MTMR2: variants seen among roughly 807,000 people sequenced by gnomAD.
MTMR2 encodes myotubularin related protein 2, also known as phosphatidylinositol-3,5-bisphosphate 3-phosphatase MTMR2.
MTMR2 carries 55 observed loss-of-function variants against 86.9 expected under a neutral mutation model. That is an observed-to-expected ratio of 0.63 (90% CI 0.51 to 0.79). MTMR2 has a LOEUF of 0.79. Ranked by LOEUF, MTMR2 falls within the 30% of genes least tolerant of loss-of-function variation. The pLI is 0.00. For missense variants in MTMR2, 659 were observed against 772.3 expected, an observed-to-expected ratio of 0.85 and a Z score of 1.74; for synonymous variants, 241 against 266.8, an observed-to-expected ratio of 0.90 and a Z score of 0.94.
At chr11:95,871,860 G>A (rs1274573625) in intron 2 of MTMR2, among the ~76,000 whole-genome samples, 1 of 152,110 alleles carries the variant, frequency 6.6e-6, no homozygotes, top group Non-Finnish European at 1.5e-5. Flanking sequence ...GGGTTTTTAT[G>A]GTTTTAGGCC....
Position 95,850,609 on chromosome 11 carries a change from G to A in MTMR2, c.795C>T (p.Gly265=). The change falls in exon 8 of 15, where the codon GGC becomes GGT. Residue 265 remains glycine (G), a synonymous_variant. Transcript: ENST00000346299. ...LKRVASFRSR[G]RIPVLSWIHP... ...CAAACTTCCTACTTACTGGGATACG[G>A]CCTCTTGATCTGAAGGATGCCACTC... The A allele has an allele frequency of 6.2e-7, 1 of 1,613,964 alleles. No homozygotes were observed. Among genetic ancestry groups the A allele is most frequent in the Non-Finnish European group, 8.5e-7 (1 of 1,179,970 alleles).
intron 1 of MTMR2, among the ~76,000 whole-genome samples, chr11:95,905,926 T>A (rs895018106): frequency 6.6e-6 from 1 of 152,102 alleles, no homozygotes; most frequent in Admixed American, 6.6e-5. Context: ...CTATCCTAAT[T>A]TCAGATGAAA....
chr11:95,852,168 C>A (rs570658252), intron 7 of MTMR2, among the ~76,000 whole-genome samples: 1 of 152,194 alleles, frequency 6.6e-6, no homozygotes, highest in African/African-American at 2.4e-5. Context: ...CCTCTTTACA[C>A]CCAAACACAC....
intron 9 of MTMR2, among the ~76,000 whole-genome samples, chr11:95,848,468 T>C (rs1863886969): frequency 6.6e-6 from 1 of 152,202 alleles, no homozygotes. Flanking sequence ...TCATCATCAA[T>C]GTTCTCAAAG....
Position 95,834,199 on chromosome 11 carries a change from G to C in MTMR2, c.*1091C>G, listed in dbSNP as rs1863151032. On this transcript the variant is annotated 3_prime_UTR_variant, in exon 15 of 15. Coordinates refer to ENST00000346299, the MANE Select transcript of MTMR2 (RefSeq NM_016156.6). ...CTTATGTAGAATAAAATAGACATCA[G>C]AGTCAAATGTTTCTACCAGCACCAA... 1 of 152,536 alleles carries C rather than the reference G, an allele frequency of 6.6e-6. No homozygotes were observed. The highest frequency in any genetic ancestry group is 2.4e-5 in the African/African-American group (1 of 41,450). The allele number at this position is 152,536 out of a possible 1,614,324, so 9.4% of individuals were successfully genotyped here. A position where few individuals can be genotyped will look rare whatever the true frequency, so the allele number is the denominator to read the frequency against.
At chr11:95,855,652 G>C (rs1037878205) in intron 7 of MTMR2, among the ~76,000 whole-genome samples, 1 of 152,022 alleles carries the variant, frequency 6.6e-6, no homozygotes, top group Admixed American at 6.5e-5. Context: ...GGCAGCACAT[G>C]ATAAAGCCAG....
At chr11:95,874,455 TCCTC>T (rs1865020785) in intron 2 of MTMR2, among the ~76,000 whole-genome samples, 3 of 152,132 alleles carry the variant, frequency 2.0e-5, no homozygotes, top group Non-Finnish European at 2.9e-5. Context: ...TGGTAGATCT[TCCTC>T]CATCCCTTTA....
intron 11 of MTMR2, among the ~76,000 whole-genome samples, chr11:95,843,051 T>G (rs1863618732): frequency 6.6e-6 from 1 of 152,154 alleles, no homozygotes; most frequent in Non-Finnish European, 1.5e-5. Flanking sequence ...AAAATTAATG[T>G]ATGCATTGTG....
chr11:95,838,253 G>A (rs1175121688), intron 12 of MTMR2, 46 bp from the exon 13 acceptor site: 1 of 1,034,010 alleles, frequency 9.7e-7, no homozygotes, highest in Non-Finnish European at 1.5e-6. Context: ...CATTCTTCAA[G>A]CATATTCATC....
At chr11:95,858,715 A>G in intron 5 of MTMR2, 83 bp from the exon 6 acceptor site, 1 of 935,006 alleles carries the variant, frequency 1.1e-6, no homozygotes, top group South Asian at 1.3e-5. Flanking sequence ...ACTATCTTGT[A>G]AAATGTTAAG....
At chr11:95,841,541 T>A in intron 12 of MTMR2, 76 bp downstream of exon 12, 1 of 1,027,230 alleles carries the variant, frequency 9.7e-7, no homozygotes, top group Non-Finnish European at 1.5e-6. Flanking sequence ...TATAGGCTAA[T>A]CAGTGACCAA....
intron 2 of MTMR2, among the ~76,000 whole-genome samples, chr11:95,878,149 G>A (rs1224230627): frequency 6.7e-6 from 1 of 148,996 alleles, no homozygotes; most frequent in East Asian, 2.0e-4. Context: ...AAAGACTTGA[G>A]GAATCTTAAA....
intron 1 of MTMR2, among the ~76,000 whole-genome samples, chr11:95,892,732 C>CA (rs769986388): frequency 6.6e-6 from 1 of 152,120 alleles, no homozygotes; most frequent in Non-Finnish European, 1.5e-5. Flanking sequence ...TTCCTACACC[C>CA]ACTTTTCTCT....
chr11:95,882,524 A>G (rs902052557), intron 2 of MTMR2: 5 of 151,858 alleles, frequency 3.3e-5, no homozygotes, highest in Non-Finnish European at 7.4e-5. Context: ...AAAATAAAAT[A>G]AAATAAAATA....
intron 1 of MTMR2, among the ~76,000 whole-genome samples, chr11:95,911,111 C>T (rs1342671980): frequency 6.6e-6 from 1 of 152,074 alleles, no homozygotes; most frequent in Non-Finnish European, 1.5e-5. Flanking sequence ...ATCTGATTGA[C>T]AGAAATAAGA....
At chr11:95,854,210 T>C (rs1194703352) in intron 7 of MTMR2, among the ~76,000 whole-genome samples, 2 of 152,148 alleles carry the variant, frequency 1.3e-5, no homozygotes, top group Non-Finnish European at 2.9e-5. Context: ...TGTAGACTAC[T>C]AAAAATATAC....
At chr11:95,865,743 A>C (rs925760386) in intron 2 of MTMR2, 67 bp from the exon 3 acceptor site, 1 of 1,270,452 alleles carries the variant, frequency 7.9e-7, no homozygotes, top group East Asian at 2.3e-5. Context: ...CTCATATTTC[A>C]ACTGAGTATA....
chr11:95,888,321 A>G (rs186373319), intron 1 of MTMR2, 60 bp from the exon 2 acceptor site: 3 of 1,110,470 alleles, frequency 2.7e-6, no homozygotes, highest in Non-Finnish European at 2.7e-6. Flanking sequence ...CCAATTTCAG[A>G]CATTGTATTT....
At chr11:95,837,564 G>T (rs1413493430) in intron 13 of MTMR2, among the ~76,000 whole-genome samples, 1 of 151,948 alleles carries the variant, frequency 6.6e-6, no homozygotes, top group Admixed American at 6.6e-5. Context: ...ACTTAACAGT[G>T]ATACCTTTGG....
Sources: gnomAD v4.1 joint callset for allele counts (sites outside exome capture counted in the v4.1 genomes callset) on GRCh38, gnomAD v4.1.1 for gene constraint, MANE v1.5 for transcripts, NCBI Gene and HGNC (gene_info 2026-07-23, HGNC 2026-07-21) for gene names.